Variants in DLG1 observed in about 807,000 individuals in gnomAD.
DLG1 encodes discs large MAGUK scaffold protein 1.
DLG1 carries 42 observed loss-of-function variants against 123.4 expected under a neutral mutation model. The observed-to-expected ratio is 0.34, with a 90% CI of 0.27 to 0.44. The LOEUF is 0.44. Ranked by LOEUF, DLG1 falls within the 20% of genes least tolerant of loss-of-function variation. The pLI is 1.00. For missense variants in DLG1, 942 were observed against 1,082.6 expected, an observed-to-expected ratio of 0.87 and a Z score of 1.82; for synonymous variants, 317 against 356.2, an observed-to-expected ratio of 0.89 and a Z score of 1.24.
At chr3:197,079,600 C>CGA (rs1749577949) in intron 17 of DLG1, among the ~76,000 whole-genome samples, 1 of 152,128 alleles carries the variant, frequency 6.6e-6, no homozygotes, top group African/African-American at 2.4e-5. Flanking sequence ...ACCTCTTTTT[C>CGA]AATTTATTGA....
chr3:197,145,772 C>T (rs1011980464), intron 6 of DLG1, among the ~76,000 whole-genome samples: 12 of 144,840 alleles, frequency 8.3e-5, no homozygotes, highest in Admixed American at 7.9e-4. Flanking sequence ...ATAAAAGGGG[C>T]TTTTTAGGTA....
intron 4 of DLG1, among the ~76,000 whole-genome samples, chr3:197,207,054 G>A (rs1426470177): frequency 6.6e-6 from 1 of 152,176 alleles, no homozygotes; most frequent in Non-Finnish European, 1.5e-5. Flanking sequence ...CATGTATGAT[G>A]TATGGCTGCT....
intron 4 of DLG1, among the ~76,000 whole-genome samples, chr3:197,222,352 T>C (rs1737577882): frequency 6.6e-6 from 1 of 152,162 alleles, no homozygotes. Flanking sequence ...AGAAAAAAGA[T>C]GTCCACAGCT....
intron 4 of DLG1, among the ~76,000 whole-genome samples, chr3:197,232,021 A>C (rs1412747103): frequency 1.3e-5 from 2 of 152,236 alleles, no homozygotes; most frequent in Non-Finnish European, 2.9e-5. Flanking sequence ...AATGGAGAGC[A>C]TAAGAATCAG....
chr3:197,136,520 A>G (rs1044313600), intron 10 of DLG1, 22 bp downstream of exon 10: 3 of 1,589,408 alleles, frequency 1.9e-6, no homozygotes, highest in African/African-American at 2.7e-5. Flanking sequence ...GATTTAAAAG[A>G]CAATAGATTT....
rs779969323 is a variant in DLG1 at position 197,210,051 on chromosome 3, A to G, written c.319-15462T>C. 3.4e-5 allele frequency among the ~76,000 whole-genome samples: 5 copies of G among 146,516 alleles called. 1 individual carries two copies. Among genetic ancestry groups the G allele is most frequent in the Non-Finnish European group, 7.7e-5 (5 of 65,230 alleles). ...GCTGATTTTAATCTGTATCCTTTCA[A>G]GTAATAAACCATAACTGTGAGTATA... On this transcript the variant is annotated intron_variant, in intron 4 of 24. Coordinates refer to ENST00000667157, the MANE Select transcript of DLG1 (RefSeq NM_001366207.1).
intron 5 of DLG1, chr3:197,161,792 C>T: frequency 8.9e-7 from 1 of 1,120,046 alleles, no homozygotes; most frequent in Non-Finnish European, 1.3e-6. Context: ...AAAAGGGAAA[C>T]ACATAACAAA....
At chr3:197,277,564 C>T (rs956358498) in intron 4 of DLG1, among the ~76,000 whole-genome samples, 3 of 152,098 alleles carry the variant, frequency 2.0e-5, no homozygotes, top group African/African-American at 7.2e-5. Context: ...TGGTCTTGAA[C>T]TCCTGACCTC....
intron 14 of DLG1, among the ~76,000 whole-genome samples, chr3:197,100,329 T>G (rs566455876): frequency 6.6e-6 from 1 of 152,142 alleles, no homozygotes; most frequent in African/African-American, 2.4e-5. Flanking sequence ...AATCAAAGCT[T>G]TGAAGCGCAG....
At position 197,225,004 on chromosome 3, in the gene DLG1, C is replaced by T. The variant is rs148866603; in HGVS notation, c.319-30415G>A. Among the ~76,000 whole-genome samples the T allele has an allele frequency of 5.9e-3, 906 of 152,292 alleles. 9 individuals carry two copies. The highest frequency in any genetic ancestry group is 0.021 in the African/African-American group (869 of 41,564). On this transcript the variant is annotated intron_variant, in intron 4 of 24. Transcript: ENST00000667157. The stretch of plus-strand genomic sequence containing the variant: ...TGGAGTCTCGCTCTGTGGCCCAGGC[C>T]GGAGTGCAGTGGCGCGATCTTGGCT...
At position 197,142,516 on chromosome 3, in the gene DLG1, T is replaced by C. The variant is rs141498064; in HGVS notation, c.588+202A>G. On this transcript the variant is annotated intron_variant, in intron 7 of 24. Transcript: ENST00000667157. ...AACTTCTTTGTAAATCTAAAACTAT[T>C]GTAAAATAAAAAGTTTATTAAAAAA... Among the ~76,000 whole-genome samples the C allele has an allele frequency of 3.3e-3, 508 of 152,206 alleles. 2 individuals carry two copies. Among genetic ancestry groups the C allele is most frequent in the African/African-American group, 4.8e-3 (200 of 41,526 alleles).
intron 4 of DLG1, among the ~76,000 whole-genome samples, chr3:197,237,778 G>A (rs1247226757): frequency 2.0e-5 from 3 of 152,192 alleles, no homozygotes; most frequent in Non-Finnish European, 4.4e-5. Context: ...GTAACAAGGT[G>A]CACAACCCTA....
At chr3:197,230,620 T>G (rs1249181727) in intron 4 of DLG1, among the ~76,000 whole-genome samples, 1 of 152,208 alleles carries the variant, frequency 6.6e-6, no homozygotes, top group East Asian at 1.9e-4. Context: ...GTGCTTTTCT[T>G]TTTTAATTCC....
intron 13 of DLG1, among the ~76,000 whole-genome samples, chr3:197,109,501 T>C (rs188282027): frequency 7.9e-5 from 12 of 152,376 alleles, no homozygotes; most frequent in Admixed American, 2.6e-4. Context: ...TATTCAGTTG[T>C]TTTTAAAATC....
chr3:197,054,161 T>G (rs1578186677), intron 23 of DLG1, among the ~76,000 whole-genome samples: 2 of 152,298 alleles, frequency 1.3e-5, no homozygotes, highest in Admixed American at 1.3e-4. Context: ...TGTGGTAAGT[T>G]GCTGCTTTCA....
At chr3:197,100,602 A>AG (rs1279843508) in intron 14 of DLG1, among the ~76,000 whole-genome samples, 1 of 152,196 alleles carries the variant, frequency 6.6e-6, no homozygotes, top group Non-Finnish European at 1.5e-5. Flanking sequence ...AATACTCTTG[A>AG]GGAACAATAA....
intron 5 of DLG1, among the ~76,000 whole-genome samples, chr3:197,168,344 C>G (rs562080790): frequency 1.3e-5 from 2 of 152,338 alleles, no homozygotes; most frequent in African/African-American, 4.8e-5. Flanking sequence ...CTAATCACAA[C>G]TGATAACCAA....
intron 5 of DLG1, among the ~76,000 whole-genome samples, chr3:197,175,544 G>A (rs1322104162): frequency 6.6e-6 from 1 of 152,110 alleles, no homozygotes; most frequent in Non-Finnish European, 1.5e-5. Flanking sequence ...AAAATGGCTT[G>A]GGAAATTTAC....
At chr3:197,228,769 ATAG>A (rs746615773) in intron 4 of DLG1, among the ~76,000 whole-genome samples, 3 of 152,230 alleles carry the variant, frequency 2.0e-5, no homozygotes, top group Non-Finnish European at 2.9e-5. Flanking sequence ...ATTCAGCCAA[ATAG>A]TACCTATCAA....
Sources: gnomAD v4.1 joint callset for allele counts (sites outside exome capture counted in the v4.1 genomes callset) on GRCh38, gnomAD v4.1.1 for gene constraint, MANE v1.5 for transcripts, NCBI Gene and HGNC (gene_info 2026-07-23, HGNC 2026-07-21) for gene names.